The following ABR variants were observed in gnomAD, a reference collection of about 807,000 sequenced individuals.
The protein encoded by ABR is ABR activator of RhoGEF and GTPase, also known as active breakpoint cluster region-related protein.
A neutral mutation model predicts 107.2 loss-of-function variants in ABR; 35 were observed. The observed-to-expected ratio is 0.33, with a 90% CI of 0.25 to 0.43. The LOEUF (loss-of-function observed/expected upper bound fraction) is 0.43, where lower values mean the gene tolerates loss of function less well. ABR is among the 20% of genes least tolerant of loss of function. The probability of loss-of-function intolerance (pLI) is 1.00; values close to 1 mark genes in which losing one functional copy is unlikely to be tolerated. For synonymous variants in ABR, 498 were observed against 462.0 expected (o/e 1.08, Z -1.00); for missense variants, 815 against 1,115.2 (o/e 0.73, Z 3.83).
Position 1,096,659 on chromosome 17 carries a change from C to T in ABR, c.345+3978G>A, listed in dbSNP as rs192380385. Reference sequence around the variant, plus strand: ...CTCAAGAAAGAGCCAAGCAGGGGCCCAGGAGGAGAGAGCTGGGGGAAGGTG... The same window carrying T: ...CTCAAGAAAGAGCCAAGCAGGGGCCTAGGAGGAGAGAGCTGGGGGAAGGTG... On this transcript the variant is annotated intron_variant, in intron 3 of 22. Coordinates refer to ENST00000302538, the MANE Select transcript of ABR (RefSeq NM_021962.5). 2.6e-5 allele frequency among the ~76,000 whole-genome samples: 4 copies of T among 152,170 alleles called. No homozygotes were observed. In the East Asian group the frequency reaches 5.8e-4, roughly 22 times the overall value.
At chr17:1,063,769 A>G (rs28375045) in intron 10 of ABR, among the ~76,000 whole-genome samples, 1,195 of 100,412 alleles carry the variant, frequency 0.012, no homozygotes, top group Admixed American at 0.02. Context: ...TCCTCTAGAC[A>G]CTGCTGTTAT....
intron 1 of ABR, among the ~76,000 whole-genome samples, chr17:1,194,927 C>T (rs1382573935): frequency 2.1e-5 from 3 of 140,920 alleles, no homozygotes; most frequent in African/African-American, 7.6e-5. Flanking sequence ...GCTGGAATTA[C>T]AGGTGTGAGC....
rs74815486 is a variant in ABR, at chr17:1,151,479, C to T, written c.62-26112G>A. On this transcript the variant is annotated intron_variant, in intron 1 of 22. Transcript: ENST00000302538. Reference sequence around the variant, plus strand: ...TGCTTCCTGGGCGTGACACCCTCAACGCCCCCACCTCTCTCATTCTGCCAT... The same window carrying T: ...TGCTTCCTGGGCGTGACACCCTCAATGCCCCCACCTCTCTCATTCTGCCAT... Among the ~76,000 whole-genome samples, 42 of 151,732 alleles carry T rather than the reference C, an allele frequency of 2.8e-4. No homozygotes were observed. The East Asian group carries it at 4.4e-3, about 16-fold the overall frequency.
chr17:1,065,438 G>A (rs372850730), intron 10 of ABR, among the ~76,000 whole-genome samples: 2,908 of 37,472 alleles, frequency 0.078, 191 homozygotes, highest in Middle Eastern at 0.15. Context: ...TCCTCTAGAC[G>A]CTGTTGTTAT....
At chr17:1,008,035 GT>G (rs751714947) in intron 21 of ABR, among the ~76,000 whole-genome samples, 19 of 152,122 alleles carry the variant, frequency 1.2e-4, no homozygotes, top group Non-Finnish European at 2.2e-4. Context: ...GCTTCCTCTT[GT>G]GCCTCTCCGG....
chr17:1,204,432 G>T (rs570024994), intron 1 of ABR, among the ~76,000 whole-genome samples: 41 of 152,306 alleles, frequency 2.7e-4, no homozygotes, highest in South Asian at 1.2e-3. Context: ...GCGACACAGC[G>T]AGACTCTGTC....
chr17:1,126,371 G>C (rs935449877), intron 1 of ABR: 3 of 152,458 alleles, frequency 2.0e-5, no homozygotes, highest in African/African-American at 7.2e-5. Flanking sequence ...TGGCAGTGTT[G>C]CTCCCGAGGG....
chr17:1,146,191 C>T (rs960288994), intron 1 of ABR, among the ~76,000 whole-genome samples: 9 of 151,690 alleles, frequency 5.9e-5, no homozygotes, highest in Admixed American at 2.6e-4. Flanking sequence ...TAGGTGTGCG[C>T]GGAGCTGGGG....
At chr17:1,209,416 A>G (rs2042860316) in intron 1 of ABR, among the ~76,000 whole-genome samples, 1 of 152,054 alleles carries the variant, frequency 6.6e-6, no homozygotes, top group Non-Finnish European at 1.5e-5. Context: ...AGCTGGGATT[A>G]CAGGCATGCG....
At chr17:1,045,686 G>A (rs2031480166) in intron 16 of ABR, among the ~76,000 whole-genome samples, 1 of 152,224 alleles carries the variant, frequency 6.6e-6, no homozygotes, top group Non-Finnish European at 1.5e-5. Flanking sequence ...GCACCGTGCT[G>A]GGCTCGTCCT....
chr17:1,051,133 T>G lies in ABR; in HGVS notation c.1562-499A>C, dbSNP rs866185225. Among the ~76,000 whole-genome samples, 1 of 152,134 alleles carries G rather than the reference T, an allele frequency of 6.6e-6. No individual in the cohort carries two copies. Among genetic ancestry groups the G allele is most frequent in the South Asian group, 2.1e-4 (1 of 4,836 alleles). ...AGCAGCCCTGCCTCTGGGTCCTGAA[T>G]GCTCGGAGCATCCCCTGCCGCGGTG... On this transcript the variant is annotated intron_variant, in intron 14 of 22. Coordinates refer to ENST00000302538, the MANE Select transcript of ABR (RefSeq NM_021962.5). This position sits in a 1 kb window ranked among gnomAD's most constrained non-coding sequence, Gnocchi z 4.3.
intron 17 of ABR, 28 bp downstream of exon 17, chr17:1,013,077 C>T (rs1206676266): frequency 5.0e-6 from 8 of 1,612,962 alleles, no homozygotes; most frequent in Non-Finnish European, 6.8e-6. Context: ...CCGGCTCACG[C>T]CACTGATCAT....
intron 1 of ABR, among the ~76,000 whole-genome samples, chr17:1,158,792 G>A (rs2041145897): frequency 6.6e-6 from 1 of 151,964 alleles, no homozygotes. Flanking sequence ...AAAGTGCGTA[G>A]GGCTAGTCCA....
intron 2 of ABR, chr17:1,109,158 G>A: frequency 3.6e-6 from 5 of 1,381,500 alleles, no homozygotes; most frequent in Non-Finnish European, 3.9e-6. Context: ...GGCGGGAGGG[G>A]GGGCAGGTCT....
At chr17:1,028,095 C>T (rs888876370) in intron 16 of ABR, among the ~76,000 whole-genome samples, 1 of 151,850 alleles carries the variant, frequency 6.6e-6, no homozygotes, top group African/African-American at 2.4e-5. Flanking sequence ...GGGACCCTTT[C>T]CTCCCCCCAC....
At chr17:1,030,515 G>A (rs2072641451) in intron 16 of ABR, among the ~76,000 whole-genome samples, 1 of 152,248 alleles carries the variant, frequency 6.6e-6, no homozygotes, top group Admixed American at 6.5e-5. Flanking sequence ...CAGGGAGGCT[G>A]AAGGTGACAC....
At chr17:1,118,201 G>T (rs1314403990) in intron 2 of ABR, among the ~76,000 whole-genome samples, 11 of 63,060 alleles carry the variant, frequency 1.7e-4, no homozygotes, top group East Asian at 3.7e-4. Flanking sequence ...CCTCCCCAGC[G>T]TTATCCCTGA....
intron 3 of ABR, 25 bp downstream of exon 3, chr17:1,100,612 G>T: frequency 6.2e-7 from 1 of 1,605,446 alleles, no homozygotes; most frequent in East Asian, 2.2e-5. Context: ...GGACCGGAAG[G>T]CCCCAGAGCA....
intron 16 of ABR, among the ~76,000 whole-genome samples, chr17:1,029,394 G>C (rs1178143088): frequency 2.6e-5 from 4 of 152,034 alleles, no homozygotes; most frequent in Admixed American, 2.0e-4. Flanking sequence ...CTATTTAAAG[G>C]CTCAGTTCTG....
Sources: allele counts gnomAD v4.1 joint callset (sites outside exome capture counted in the v4.1 genomes callset), GRCh38; gene constraint gnomAD v4.1.1; non-coding constraint Gnocchi (gnomAD v3.1); transcripts MANE v1.5; gene names NCBI Gene and HGNC (gene_info 2026-07-23, HGNC 2026-07-21).